The following RNASE9 variants were observed in gnomAD, a reference collection of about 807,000 sequenced individuals.
RNASE9 encodes inactive ribonuclease-like protein 9.
For missense variants in RNASE9, 263 were observed against 247.1 expected, an observed-to-expected ratio of 1.06 and a Z score of -0.43; for synonymous variants, 95 against 87.6, an observed-to-expected ratio of 1.08 and a Z score of -0.47.
chr14:20,556,498 T>C, exon 3 of RNASE9: 1 of 1,613,588 alleles, frequency 6.2e-7, no homozygotes, highest in Non-Finnish European at 8.5e-7. Flanking sequence ...GAAACTTCTG[T>C]GTTCAGGTGG....
chr14:20,559,235 A>C (rs1243645), intron 2 of RNASE9, among the ~76,000 whole-genome samples: 116,942 of 151,920 alleles, frequency 0.77, 46,068 homozygotes, highest in African/African-American at 0.87. Context: ...CAGGTGCACT[A>C]CACTGTACCT....
chr14:20,556,648 T>G, exon 3 of RNASE9: 1 of 1,613,332 alleles, frequency 6.2e-7, no homozygotes, highest in East Asian at 2.2e-5. Context: ...TAAATTACAA[T>G]ACACTCCTTC....
At position 20,558,244 on chromosome 14, in the gene RNASE9, T is replaced by A. The variant is rs1311754337; in HGVS notation, c.-1175A>T. On this transcript the variant is annotated 5_prime_UTR_variant, in exon 3 of 3. Transcript: ENST00000555230. ...ACCTGAGTGATTCTCTAACAGTCATTACCTGGAGACCTTGATCTATCAGTG... is the reference window on the plus strand; with the variant it reads ...ACCTGAGTGATTCTCTAACAGTCATAACCTGGAGACCTTGATCTATCAGTG... 3 of 517,158 alleles carry A rather than the reference T, an allele frequency of 5.8e-6. No individual in the cohort carries two copies. In the Admixed American group the frequency reaches 9.5e-5, roughly 16 times the overall value. 32.0% of individuals were successfully genotyped at this position (517,158 alleles called of 1,614,324 possible). A position where few individuals can be genotyped will look rare whatever the true frequency, so the allele number is the denominator to read the frequency against.
exon 3 of RNASE9, chr14:20,556,723 C>T (rs759335294): frequency 6.2e-7 from 1 of 1,613,994 alleles, no homozygotes; most frequent in East Asian, 2.2e-5. Flanking sequence ...TCTGTTGTAA[C>T]AGATTTTTTG....
Position 20,556,884 on chromosome 14 carries a change from T to C in RNASE9, c.186A>G (p.Lys62=), listed in dbSNP as rs538131653. ...TAAGGACACGTCTTTTGACTTTTTC[T>C]TTGGTAGGTGGTCTGGCGGGCCCTG... is the stretch of plus-strand genomic sequence containing the variant. The change falls in exon 3 of 3, where the codon AAA becomes AAG. Residue 62 remains lysine, a synonymous_variant. Transcript: ENST00000555230. 3.7e-6 allele frequency: 6 copies of C among 1,614,104 alleles called. No homozygotes were observed. In the East Asian group the frequency reaches 1.3e-4, roughly 36 times the overall value.
chr14:20,558,784 T>G, intron 2 of RNASE9: 1 of 585,660 alleles, frequency 1.7e-6, no homozygotes, highest in Non-Finnish European at 3.1e-6. Context: ...GCAACCTTCT[T>G]AATTCTTGAT....
At chr14:20,560,493 A>C (rs1192346578) in intron 1 of RNASE9, 1 of 152,076 alleles carries the variant, frequency 6.6e-6, no homozygotes, top group Non-Finnish European at 1.5e-5. Flanking sequence ...TTTATATTGA[A>C]AGACAAACAG....
chr14:20,558,705 C>T, intron 2 of RNASE9: 1 of 939,402 alleles, frequency 1.1e-6, no homozygotes, highest in Non-Finnish European at 1.7e-6. Context: ...GCAGCTGTGG[C>T]CCTGCCCTTT....
At chr14:20,556,526 T>C (rs1265633698) in exon 3 of RNASE9, 1 of 1,613,860 alleles carries the variant, frequency 6.2e-7, no homozygotes, top group Admixed American at 1.7e-5. Context: ...AGATCATTTA[T>C]AGTATGAGGA....
At chr14:20,557,331 G>A (rs1321295583) in exon 3 of RNASE9, 3 of 420,246 alleles carry the variant, frequency 7.1e-6, no homozygotes, top group African/African-American at 2.0e-5. Flanking sequence ...GAAAGGGAGA[G>A]AAATAAAGGT....
chr14:20,558,505 C>G lies in RNASE9; in HGVS notation c.-1436G>C, dbSNP rs542659921. On this transcript the variant is annotated 5_prime_UTR_variant, in exon 3 of 3. Coordinates refer to ENST00000555230, the Ensembl canonical transcript of RNASE9. The stretch of plus-strand genomic sequence containing the variant: ...CGGCCATGTGCCACACTGTCCCTCC[C>G]CTCCCTGCTTTTCCTCCCATCCCTG... 3 of 1,449,486 alleles carry G rather than the reference C, an allele frequency of 2.1e-6. No individual in the cohort carries two copies. In the African/African-American group the frequency reaches 4.2e-5, roughly 21 times the overall value. The allele number at this position is 1,449,486 out of a possible 1,614,324, so 89.8% of individuals were successfully genotyped here. A position where few individuals can be genotyped will look rare whatever the true frequency, so the allele number is the denominator to read the frequency against.
At position 20,556,856 on chromosome 14, in the gene RNASE9, C is replaced by A. The variant is rs763655160; in HGVS notation, c.214G>T (p.Glu72Ter). The A allele has an allele frequency of 8.5e-5, 138 of 1,614,056 alleles. 2 individuals carry two copies. In the South Asian group the frequency reaches 1.4e-3, roughly 17 times the overall value. Reference sequence around the variant, plus strand: ...ATATGATTTAGTGGCATTCCAGGTTCAATAAGGACACGTCTTTTGACTTTT... The same window carrying A: ...ATATGATTTAGTGGCATTCCAGGTTAAATAAGGACACGTCTTTTGACTTTT... Residue 72 changes from glutamate to a stop codon, truncating the protein, a stop_gained, in exon 3 of 3, where the codon GAA becomes TAA. Transcript: ENST00000555230. LOFTEE classifies it low-confidence loss of function (END_TRUNC).
chr14:20,556,943 C>T (rs1052356881), exon 3 of RNASE9: 1 of 1,613,978 alleles, frequency 6.2e-7, no homozygotes, highest in East Asian at 2.2e-5. Flanking sequence ...TCTTCAAATT[C>T]TTCTTTTTTA....
At chr14:20,559,585 T>G (rs1361992960) in exon 2 of RNASE9, 1 of 152,190 alleles carries the variant, frequency 6.6e-6, no homozygotes. Flanking sequence ...GGCCTACCTG[T>G]GGAATGCAGG....
intron 2 of RNASE9, chr14:20,558,674 C>T (rs761188944): frequency 3.6e-5 from 47 of 1,288,732 alleles, no homozygotes; most frequent in Non-Finnish European, 4.8e-5. Flanking sequence ...GGACAGTACA[C>T]GTGTGAAAAG....
chr14:20,558,313 GTA>G, exon 3 of RNASE9: 1 of 611,800 alleles, frequency 1.6e-6, no homozygotes, highest in Non-Finnish European at 2.9e-6. Flanking sequence ...TACTAAGTTT[GTA>G]TATATGTGTG....
exon 3 of RNASE9, chr14:20,556,416 T>C (rs747105182): frequency 5.5e-6 from 8 of 1,450,234 alleles, no homozygotes; most frequent in Non-Finnish European, 7.6e-6. Flanking sequence ...TGGAGAGAAA[T>C]ATTCCTCCCA....
chr14:20,556,930 C>A (rs1227717931), exon 3 of RNASE9: 2 of 1,614,096 alleles, frequency 1.2e-6, no homozygotes, highest in South Asian at 2.2e-5. Flanking sequence ...TTTTTCCAAA[C>A]ACTCTTCAAA....
chr14:20,556,692 T>G, exon 3 of RNASE9: 1 of 1,613,878 alleles, frequency 6.2e-7, no homozygotes, highest in Non-Finnish European at 8.5e-7. Flanking sequence ...ATTTCCTAAT[T>G]CCATTCTTAC....
Sources: gnomAD v4.1 joint callset for allele counts (sites outside exome capture counted in the v4.1 genomes callset) on GRCh38, gnomAD v4.1.1 for gene constraint, MANE v1.5 for transcripts, NCBI Gene and HGNC (gene_info 2026-07-23, HGNC 2026-07-21) for gene names.